The following SPAST variants were observed in gnomAD, a reference collection of about 807,000 sequenced individuals.
The protein encoded by SPAST is spastin, also known as spastic paraplegia 4 (autosomal dominant; spastin).
In SPAST, 30 loss-of-function variants were observed where a neutral mutation model predicts 76.6. The observed-to-expected ratio is 0.39, with a 90% CI of 0.29 to 0.53. The LOEUF is 0.53. SPAST is among the 20% of genes least tolerant of loss of function. The pLI, the probability that SPAST is intolerant of heterozygous loss-of-function variation, is 0.68. For synonymous variants in SPAST, 305 were observed against 281.0 expected, an observed-to-expected ratio of 1.09 and a Z score of -0.86; for missense variants, 717 against 770.5, an observed-to-expected ratio of 0.93 and a Z score of 0.82.
chr2:32,114,729 A>C lies in SPAST; in HGVS notation c.774A>C (p.Ala258=), dbSNP rs1469778487. The C allele has an allele frequency of 6.2e-7, 1 of 1,613,776 alleles. No homozygotes were observed. Among genetic ancestry groups the C allele is most frequent in the East Asian group, 2.2e-5 (1 of 44,864 alleles). ...RSKTVMKTGS[A]GLSGHHRAPS... Reference sequence around the variant, plus strand: ...AAACAGTTATGAAAACTGGATCTGCAGGCCTTTCAGGCCACCATAGAGCAC... The same window carrying C: ...AAACAGTTATGAAAACTGGATCTGCCGGCCTTTCAGGCCACCATAGAGCAC... Residue 258 remains alanine, a synonymous_variant, in exon 5 of 17, where the codon GCA becomes GCC. Transcript: ENST00000315285.
intron 1 of SPAST, among the ~76,000 whole-genome samples, chr2:32,084,576 A>G (rs1339271416): frequency 6.6e-6 from 1 of 151,974 alleles, no homozygotes; most frequent in African/African-American, 2.4e-5. Context: ...AACAACCTCA[A>G]TATCTTAATA....
Position 32,087,250 on chromosome 2 carries a change from C to A in SPAST, c.416-242C>A, listed in dbSNP as rs949049218. Among the ~76,000 whole-genome samples the A allele has an allele frequency of 2.6e-5, 4 of 152,062 alleles. No individual in the cohort carries two copies. In the East Asian group the frequency reaches 5.8e-4, roughly 22 times the overall value. On this transcript the variant is annotated intron_variant, in intron 1 of 16. Coordinates refer to ENST00000315285, the MANE Select transcript of SPAST (RefSeq NM_014946.4). ...GCATTTTAGGTTATAAGGATCAATA[C>A]CATGGGCTGATAAGCAAAATAGGAC...
chr2:32,090,818 G>C (rs562216719), intron 3 of SPAST, among the ~76,000 whole-genome samples: 1 of 152,206 alleles, frequency 6.6e-6, no homozygotes, highest in South Asian at 2.1e-4. Flanking sequence ...ATGATAGTTG[G>C]ATATAGAGCC....
At chr2:32,089,734 A>G (rs1396387732) in intron 3 of SPAST, 129 bp downstream of exon 3, 2 of 661,338 alleles carry the variant, frequency 3.0e-6, no homozygotes, top group Non-Finnish European at 5.5e-6. Context: ...AAGAAAACGT[A>G]TAACATATAC....
Position 32,136,982 on chromosome 2 carries a change from A to T in SPAST, c.1413+14A>T, listed in dbSNP as rs770257839. 4.4e-6 allele frequency: 7 copies of T among 1,598,166 alleles called. No individual in the cohort carries two copies. Among genetic ancestry groups the T allele is most frequent in the Non-Finnish European group, 6.0e-6 (7 of 1,167,428 alleles). ...GAATTTGATGGTGTAAGTGTTGATT[A>T]TGATATTTTTAATGTGGCAGCATTT... On this transcript the variant is annotated intron_variant, in intron 11 of 16. Transcript: ENST00000315285.
chr2:32,087,419 C>T (rs547344403), intron 1 of SPAST, 73 bp from the exon 2 acceptor site: 6 of 881,360 alleles, frequency 6.8e-6, no homozygotes, highest in South Asian at 5.5e-5. Flanking sequence ...TATGTATTAC[C>T]TCTCAACAGC....
chr2:32,067,245 AGAGATGGG>A (rs1298974705), intron 1 of SPAST, among the ~76,000 whole-genome samples: 7 of 152,064 alleles, frequency 4.6e-5, no homozygotes, highest in Non-Finnish European at 1.0e-4. Flanking sequence ...TGTTTTTAGT[AGAGATGGG>A]GTTCCACCAT....
At chr2:32,130,827 A>G (rs1679348173) in intron 9 of SPAST, among the ~76,000 whole-genome samples, 1 of 152,100 alleles carries the variant, frequency 6.6e-6, no homozygotes, top group African/African-American at 2.4e-5. Flanking sequence ...TACTGTCTAC[A>G]GTTTTGCAGC....
chr2:32,075,338 G>C (rs894602040), intron 1 of SPAST, among the ~76,000 whole-genome samples: 3 of 149,214 alleles, frequency 2.0e-5, no homozygotes, highest in Non-Finnish European at 4.4e-5. Context: ...AGGCAGGAGA[G>C]TGGCGAGAAC....
intron 4 of SPAST, among the ~76,000 whole-genome samples, chr2:32,100,544 T>C (rs1178558015): frequency 6.6e-6 from 1 of 152,128 alleles, no homozygotes; most frequent in African/African-American, 2.4e-5. Flanking sequence ...AAGTGCCATG[T>C]TGGTGTGCCG....
chr2:32,132,725 T>C (rs1679411359), intron 9 of SPAST, among the ~76,000 whole-genome samples: 1 of 151,902 alleles, frequency 6.6e-6, no homozygotes, highest in African/African-American at 2.4e-5. Flanking sequence ...AAGGAAGCAT[T>C]GTGCCAGGCG....
At chr2:32,081,435 C>A (rs955666708) in intron 1 of SPAST, among the ~76,000 whole-genome samples, 2 of 152,128 alleles carry the variant, frequency 1.3e-5, no homozygotes, top group Non-Finnish European at 1.5e-5. Flanking sequence ...GGGTCCCAGC[C>A]AAAATCTTTT....
At chr2:32,114,464 T>C (rs1678744238) in intron 4 of SPAST, among the ~76,000 whole-genome samples, 174 bp from the exon 5 acceptor site, 1 of 152,158 alleles carries the variant, frequency 6.6e-6, no homozygotes, top group African/African-American at 2.4e-5. Context: ...CATATTCCTA[T>C]CTACCTAGTG....
chr2:32,099,084 A>C lies in SPAST; in HGVS notation c.682+193A>C, dbSNP rs181016750. 4.6e-5 allele frequency among the ~76,000 whole-genome samples: 7 copies of C among 152,350 alleles called. No homozygotes were observed. In the East Asian group the frequency reaches 1.2e-3, roughly 25 times the overall value. ...GCAACAAGTCAGGTATAGTCATTCT[A>C]AACTTGCTTTATTTGCATATTTTGC... is the stretch of plus-strand genomic sequence containing the variant. On this transcript the variant is annotated intron_variant, in intron 4 of 16. Coordinates refer to ENST00000315285, the MANE Select transcript of SPAST (RefSeq NM_014946.4).
chr2:32,064,108 T>C lies in SPAST; in HGVS notation c.277T>C (p.Ser93Pro), dbSNP rs1156801351. 1 of 1,602,610 alleles carries C rather than the reference T, an allele frequency of 6.2e-7. No homozygotes were observed. Among genetic ancestry groups the C allele is most frequent in the Non-Finnish European group, 8.5e-7 (1 of 1,175,156 alleles). Residue 93 changes from serine to proline, a missense_variant, in exon 1 of 17, where the codon TCC becomes CCC. Coordinates refer to ENST00000315285, the MANE Select transcript of SPAST (RefSeq NM_014946.4). ...CGCCCTCATGGCAGCCAAGAGGAGC[T>C]CCGGGGCCGCGCCAGCACCTGCCTC... ...SRALMAAKRS[S>P]GAAPAPASAS...
intron 1 of SPAST, among the ~76,000 whole-genome samples, chr2:32,064,934 A>G (rs1676448895): frequency 1.3e-5 from 2 of 152,170 alleles, no homozygotes; most frequent in African/African-American, 4.8e-5. Flanking sequence ...AAACTTAAAC[A>G]TACCACTTTA....
chr2:32,143,108 T>G (rs977677724), intron 13 of SPAST, among the ~76,000 whole-genome samples: 1 of 151,890 alleles, frequency 6.6e-6, no homozygotes, highest in African/African-American at 2.4e-5. Context: ...CTACAAAAAC[T>G]TTTTTAGAAA....
intron 4 of SPAST, among the ~76,000 whole-genome samples, chr2:32,102,752 G>A (rs1174143314): frequency 2.6e-5 from 4 of 152,214 alleles, no homozygotes; most frequent in Non-Finnish European, 5.9e-5. Flanking sequence ...CTTTGGTTCT[G>A]TTTATATGAT....
intron 7 of SPAST, among the ~76,000 whole-genome samples, chr2:32,120,355 A>G (rs997766220): frequency 6.6e-6 from 1 of 152,112 alleles, no homozygotes; most frequent in Non-Finnish European, 1.5e-5. Context: ...TTTCTCACCC[A>G]GGCTGGAGTA....
Sources: gnomAD v4.1 joint callset for allele counts (sites outside exome capture counted in the v4.1 genomes callset) on GRCh38, gnomAD v4.1.1 for gene constraint, MANE v1.5 for transcripts, NCBI Gene and HGNC (gene_info 2026-07-23, HGNC 2026-07-21) for gene names.